NME7: variants seen among roughly 807,000 people sequenced by gnomAD.
NME7 encodes nucleoside diphosphate kinase 7.
In NME7, 41 loss-of-function variants were observed where a neutral mutation model predicts 49.1. The observed-to-expected ratio is 0.83, with a 90% CI of 0.65 to 1.08. NME7 has a LOEUF of 1.08. NME7 is among the 50% of genes least tolerant of loss of function. NME7 has a pLI of 0.00. For synonymous variants in NME7, 139 were observed against 150.6 expected (o/e 0.92, Z 0.56); for missense variants, 423 against 463.4 (o/e 0.91, Z 0.80).
At chr1:169,358,252 G>C (rs1322438267) in intron 1 of NME7, among the ~76,000 whole-genome samples, 1 of 117,294 alleles carries the variant, frequency 8.5e-6, no homozygotes, top group East Asian at 4.0e-3. Context: ...GTATATTACA[G>C]TTTATAAATT....
At chr1:169,137,653 T>G (rs1246849018) in intron 11 of NME7, among the ~76,000 whole-genome samples, 1 of 152,178 alleles carries the variant, frequency 6.6e-6, no homozygotes, top group Non-Finnish European at 1.5e-5. Context: ...GAATGAACCT[T>G]TGCTGGGCTC....
intron 7 of NME7, chr1:169,285,798 G>A (rs974348972): frequency 6.6e-6 from 1 of 152,088 alleles, no homozygotes; most frequent in African/African-American, 2.4e-5. Context: ...TATAATCATG[G>A]TCCTAAGGAT....
chr1:169,225,962 A>G (rs2101812741), intron 10 of NME7, among the ~76,000 whole-genome samples: 1 of 152,346 alleles, frequency 6.6e-6, no homozygotes, highest in East Asian at 1.9e-4. Flanking sequence ...ATTTGTAAGA[A>G]GCAGGACCCA....
At chr1:169,280,725 T>C (rs1649973929) in intron 7 of NME7, among the ~76,000 whole-genome samples, 1 of 147,862 alleles carries the variant, frequency 6.8e-6, no homozygotes, top group African/African-American at 2.5e-5. Flanking sequence ...TTTTCCCCAT[T>C]GCTTGTGTGT....
chr1:169,184,389 A>G (rs1489578550), intron 10 of NME7, among the ~76,000 whole-genome samples: 2 of 152,228 alleles, frequency 1.3e-5, no homozygotes, highest in Non-Finnish European at 2.9e-5. Flanking sequence ...AACTGGAGTG[A>G]ATGCTGGGCA....
chr1:169,144,695 C>CAATA, intron 11 of NME7, among the ~76,000 whole-genome samples: 1 of 152,232 alleles, frequency 6.6e-6, no homozygotes, highest in South Asian at 2.1e-4. Context: ...AACAGGCCTT[C>CAATA]AATAAATGTA....
intron 7 of NME7, among the ~76,000 whole-genome samples, chr1:169,248,637 T>C (rs1464043640): frequency 1.3e-5 from 2 of 152,180 alleles, no homozygotes. Flanking sequence ...CTTTGAACCA[T>C]CTTGAGATGA....
intron 10 of NME7, among the ~76,000 whole-genome samples, chr1:169,182,187 A>C (rs904798932): frequency 6.7e-6 from 1 of 149,394 alleles, no homozygotes; most frequent in South Asian, 2.1e-4. Context: ...AAAAAAAAAA[A>C]AACAACTCTG....
intron 10 of NME7, among the ~76,000 whole-genome samples, chr1:169,206,195 C>T (rs1041857318): frequency 6.6e-6 from 1 of 152,122 alleles, no homozygotes; most frequent in Non-Finnish European, 1.5e-5. Context: ...CCAACTAGAA[C>T]GTCCTCTGTG....
At chr1:169,348,507 T>C (rs1472424039) in intron 1 of NME7, among the ~76,000 whole-genome samples, 2 of 152,180 alleles carry the variant, frequency 1.3e-5, no homozygotes, top group African/African-American at 2.4e-5. Flanking sequence ...ACTGTGTACA[T>C]CTGTGATTTC....
chr1:169,277,248 C>G (rs1649773791), intron 7 of NME7, among the ~76,000 whole-genome samples: 1 of 143,704 alleles, frequency 7.0e-6, no homozygotes, highest in South Asian at 2.4e-4. Flanking sequence ...TGCTTGTTGA[C>G]TTTCTGTCTC....
chr1:169,292,633 C>T (rs530099621), intron 6 of NME7, among the ~76,000 whole-genome samples: 7 of 152,158 alleles, frequency 4.6e-5, no homozygotes, highest in South Asian at 2.1e-4. Context: ...ATCACTGGAA[C>T]GCCTTGGAAA....
At chr1:169,360,674 C>A (rs568404150) in intron 1 of NME7, among the ~76,000 whole-genome samples, 11 of 152,274 alleles carry the variant, frequency 7.2e-5, no homozygotes, top group Admixed American at 5.9e-4. Flanking sequence ...TTTCACCTGG[C>A]AAGCTGCTTT....
At chr1:169,232,310 G>T (rs1647656605) in intron 9 of NME7, among the ~76,000 whole-genome samples, 1 of 152,008 alleles carries the variant, frequency 6.6e-6, no homozygotes, top group South Asian at 2.1e-4. Context: ...AAAAAGCCCT[G>T]CTGTGCAACC....
Position 169,169,559 on chromosome 1 carries a change from T to TCTCG in NME7, c.991-6_991-5insCGAG. On this transcript the variant is annotated splice_polypyrimidine_tract_variant and splice_region_variant and intron_variant, in intron 10 of 11. Transcript: ENST00000367811. Reference sequence around the variant, plus strand: ...GCGTAAATGCCGGGCAATTTCCTATTAAACATACATTCACATATAGATTAA... The same window carrying TCTCG: ...GCGTAAATGCCGGGCAATTTCCTATTCTCGAAACATACATTCACATATAGATTAA... The TCTCG allele has an allele frequency of 6.2e-7, 1 of 1,610,892 alleles. No individual in the cohort carries two copies. Among genetic ancestry groups the TCTCG allele is most frequent in the Admixed American group, 1.7e-5 (1 of 60,004 alleles).
intron 1 of NME7, among the ~76,000 whole-genome samples, chr1:169,337,376 A>C (rs926402804): frequency 6.6e-6 from 1 of 152,158 alleles, no homozygotes; most frequent in Non-Finnish European, 1.5e-5. Flanking sequence ...CTCCCAGTGC[A>C]GGGCCCGCCA....
At chr1:169,238,614 A>G (rs1379928160) in intron 7 of NME7, among the ~76,000 whole-genome samples, 5 of 151,922 alleles carry the variant, frequency 3.3e-5, no homozygotes, top group African/African-American at 1.2e-4. Context: ...TACCATAGCC[A>G]AGTAGTGCTA....
At chr1:169,157,295 T>C (rs1406048740) in intron 11 of NME7, among the ~76,000 whole-genome samples, 1 of 152,144 alleles carries the variant, frequency 6.6e-6, no homozygotes, top group Non-Finnish European at 1.5e-5. Flanking sequence ...CAGCTGGAGA[T>C]ACAAAAGTCC....
chr1:169,229,465 TC>T (rs1416460770), intron 10 of NME7, among the ~76,000 whole-genome samples: 4 of 152,242 alleles, frequency 2.6e-5, no homozygotes, highest in Non-Finnish European at 5.9e-5. Flanking sequence ...TGCTACACAA[TC>T]CAACATTTGG....
Sources: gnomAD v4.1 joint callset for allele counts (sites outside exome capture counted in the v4.1 genomes callset) on GRCh38, gnomAD v4.1.1 for gene constraint, MANE v1.5 for transcripts, NCBI Gene and HGNC (gene_info 2026-07-23, HGNC 2026-07-21) for gene names.